Variants in ANKRD12 observed in about 807,000 individuals in gnomAD.
ANKRD12 encodes ankyrin repeat domain 12, also known as ankyrin repeat domain-containing protein 12.
In ANKRD12, 85 loss-of-function variants were observed where a neutral mutation model predicts 183.4. That is an observed-to-expected ratio of 0.46 (90% CI 0.39 to 0.56). The LOEUF (loss-of-function observed/expected upper bound fraction) is 0.56, where lower values mean the gene tolerates loss of function less well. Among genes scored for constraint, ANKRD12 ranks in the 20% least tolerant of loss-of-function variants. ANKRD12 has a pLI of 0.00. For missense variants in ANKRD12, 2,405 were observed against 2,357.1 expected (o/e 1.02, Z -0.42); for synonymous variants, 914 against 800.2 (o/e 1.14, Z -2.40).
intron 7 of ANKRD12, among the ~76,000 whole-genome samples, chr18:9,220,050 T>C (rs1225177232): frequency 6.6e-6 from 1 of 152,238 alleles, no homozygotes; most frequent in African/African-American, 2.4e-5. Context: ...GTATCATGAG[T>C]AAGTTGTTTT....
At chr18:9,156,996 T>C (rs1353248315) in intron 1 of ANKRD12, among the ~76,000 whole-genome samples, 2 of 152,212 alleles carry the variant, frequency 1.3e-5, no homozygotes, top group African/African-American at 4.8e-5. Flanking sequence ...ATGAGTTTTC[T>C]TGTTAAATGG....
At position 9,141,205 on chromosome 18, in the gene ANKRD12, T is replaced by C. The variant is rs1418781127; in HGVS notation, c.-52+4240T>C. Among the ~76,000 whole-genome samples the C allele has an allele frequency of 6.8e-5, 6 of 87,730 alleles. 1 individual carries two copies. The highest frequency in any genetic ancestry group is 0.011 in the Middle Eastern group (2 of 180). The allele number at this position is 87,730 out of a possible 152,430, so 57.6% of individuals were successfully genotyped here. On this transcript the variant is annotated intron_variant, in intron 1 of 12. Transcript: ENST00000262126. ...CAACCCTTTTTATGAGATGCTGATA[T>C]ACTTGTTGCTGTGGTGGTGGTGGTG...
intron 1 of ANKRD12, among the ~76,000 whole-genome samples, chr18:9,142,531 C>T (rs1341744891): frequency 6.6e-6 from 1 of 152,198 alleles, no homozygotes; most frequent in Non-Finnish European, 1.5e-5. Flanking sequence ...TCTGTTTACC[C>T]GTTCTGAAAC....
At chr18:9,274,601 A>G (rs1229296862) in intron 10 of ANKRD12, among the ~76,000 whole-genome samples, 1 of 152,134 alleles carries the variant, frequency 6.6e-6, no homozygotes, top group East Asian at 1.9e-4. Flanking sequence ...TTCTTTTTGG[A>G]GTGATGGAAA....
chr18:9,150,809 A>G (rs1474324718), intron 1 of ANKRD12, among the ~76,000 whole-genome samples: 1 of 152,040 alleles, frequency 6.6e-6, no homozygotes, highest in Non-Finnish European at 1.5e-5. Context: ...ACCTGCCACC[A>G]CACCTGGCTA....
In ANKRD12 at chr18:9,258,269, G is replaced by C; in HGVS notation, c.5002G>C (p.Asp1668His). The C allele has an allele frequency of 2.5e-6, 4 of 1,613,690 alleles. No individual in the cohort carries two copies. The highest frequency in any genetic ancestry group is 3.4e-6 in the Non-Finnish European group (4 of 1,179,924). The stretch of plus-strand genomic sequence containing the variant: ...GCCAAAAGGAAACCTAAATGAACAA[G>C]ATCCAAAACATTGTCCTGAAAGTGA... ...GMPKGNLNEQ[D>H]PKHCPESEKC... Residue 1668 changes from aspartate (D) to histidine (H), a missense_variant, in exon 9 of 13, where the codon GAT (aspartate) becomes CAT (histidine). Transcript: ENST00000262126.
intron 8 of ANKRD12, among the ~76,000 whole-genome samples, chr18:9,231,261 G>C (rs2037028572): frequency 6.6e-6 from 1 of 152,046 alleles, no homozygotes; most frequent in Non-Finnish European, 1.5e-5. Flanking sequence ...GTGTCTGTTA[G>C]GTCCTTTGGT....
intron 10 of ANKRD12, among the ~76,000 whole-genome samples, chr18:9,273,011 C>T (rs767651299): frequency 1.3e-5 from 2 of 152,052 alleles, no homozygotes; most frequent in Non-Finnish European, 2.9e-5. Context: ...TCTTTGTATT[C>T]TCACAGCCCA....
chr18:9,227,925 T>C (rs1721295753), intron 8 of ANKRD12, among the ~76,000 whole-genome samples: 1 of 152,188 alleles, frequency 6.6e-6, no homozygotes, highest in Admixed American at 6.5e-5. Flanking sequence ...TATGTTTGTA[T>C]CCACATCCAT....
chr18:9,217,800 C>T (rs926717010), intron 7 of ANKRD12, among the ~76,000 whole-genome samples: 2 of 152,156 alleles, frequency 1.3e-5, no homozygotes, highest in Non-Finnish European at 2.9e-5. Context: ...TACTACCATG[C>T]ATACTGGCAT....
chr18:9,262,720 A>G lies in ANKRD12; in HGVS notation c.5665-1070A>G, dbSNP rs147984877. ...CAAGCAATCCTCCTAGTCTCAAGCA[A>G]TCCTACTTCAGCCTCCCAAAGTGAT... is the stretch of plus-strand genomic sequence containing the variant. On this transcript the variant is annotated intron_variant, in intron 9 of 12. Transcript: ENST00000262126. Among the ~76,000 whole-genome samples the G allele has an allele frequency of 3.4e-3, 502 of 148,800 alleles. 3 individuals carry two copies. The highest frequency in any genetic ancestry group is 0.012 in the African/African-American group (479 of 40,414).
chr18:9,137,409 C>T (rs2078147066), intron 1 of ANKRD12, among the ~76,000 whole-genome samples: 1 of 146,274 alleles, frequency 6.8e-6, no homozygotes, highest in South Asian at 2.1e-4. Flanking sequence ...ATGGCGGGGC[C>T]GGAGGAGCGT....
chr18:9,188,071 T>A (rs2034218107), intron 2 of ANKRD12, among the ~76,000 whole-genome samples: 1 of 152,246 alleles, frequency 6.6e-6, no homozygotes, highest in East Asian at 1.9e-4. Context: ...ACTTGTAAGC[T>A]AATTAGCTTC....
In ANKRD12 at chr18:9,257,889, C is replaced by T; in HGVS notation, c.4622C>T (p.Ser1541Phe). 1 of 1,613,660 alleles carries T rather than the reference C, an allele frequency of 6.2e-7. No homozygotes were observed. Among genetic ancestry groups the T allele is most frequent in the Admixed American group, 1.7e-5 (1 of 59,892 alleles). Residue 1541 changes from serine to phenylalanine, a missense_variant, in exon 9 of 13, where the codon TCT becomes TTT. Around this residue, in one of 7 missense-constraint regions of ANKRD12, gnomAD observed 1,983 missense variants for 1,725.9 expected, o/e 1.15. Coordinates refer to ENST00000262126, the MANE Select transcript of ANKRD12 (RefSeq NM_015208.5). ...ISSALDTDNE[S>F]TKDTENTFVL... Reference sequence around the variant, plus strand: ...TCTGCTTTAGATACTGATAATGAATCTACAAAAGATACAGAAAATACTTTT... The same window carrying T: ...TCTGCTTTAGATACTGATAATGAATTTACAAAAGATACAGAAAATACTTTT...
Position 9,258,432 on chromosome 18 carries a change from C to T in ANKRD12, c.5165C>T (p.Ala1722Val). 1 of 1,613,614 alleles carries T rather than the reference C, an allele frequency of 6.2e-7. No individual in the cohort carries two copies. Among genetic ancestry groups the T allele is most frequent in the Non-Finnish European group, 8.5e-7 (1 of 1,179,916 alleles). Residue 1722 changes from alanine to valine, a missense_variant, in exon 9 of 13, where the codon GCC becomes GTC. This residue lies in a region of ANKRD12 where 1,983 missense variants were observed against 1,725.9 expected (regional missense o/e 1.15). Transcript: ENST00000262126. Reference sequence around the variant, plus strand: ...GTTAAAGTAGAATTAGAAGAAAATGCCGAAGATGATAAAACTGAAAACCAA... The same window carrying T: ...GTTAAAGTAGAATTAGAAGAAAATGTCGAAGATGATAAAACTGAAAACCAA... Reference protein sequence around the residue: ...QLVKVELEENAEDDKTENQIP... With the variant: ...QLVKVELEENVEDDKTENQIP...
At chr18:9,239,788 C>T (rs1176658437) in intron 8 of ANKRD12, among the ~76,000 whole-genome samples, 1 of 152,146 alleles carries the variant, frequency 6.6e-6, no homozygotes, top group Non-Finnish European at 1.5e-5. Flanking sequence ...GACAGATACA[C>T]TTTAAGTGTT....
Position 9,282,331 on chromosome 18 carries a change from A to C in ANKRD12, c.*1205A>C, listed in dbSNP as rs992817029. ...AAGAAATATAGGAATATTCCAGTCA[A>C]TCTCTGAAATGTTTATGAAAAACAG... On this transcript the variant is annotated 3_prime_UTR_variant, in exon 13 of 13. Transcript: ENST00000262126. The C allele has an allele frequency of 6.5e-6, 1 of 152,676 alleles. No individual in the cohort carries two copies. The highest frequency in any genetic ancestry group is 2.1e-4 in the South Asian group (1 of 4,830). The allele number at this position is 152,676 out of a possible 1,614,324, so 9.5% of individuals were successfully genotyped here.
intron 8 of ANKRD12, among the ~76,000 whole-genome samples, chr18:9,228,688 T>TG (rs1374060229): frequency 8.5e-5 from 13 of 152,184 alleles, no homozygotes; most frequent in Admixed American, 7.9e-4. Flanking sequence ...TTGAGGTACT[T>TG]GAATTTCTTG....
rs891449557 is a variant in ANKRD12, at chr18:9,263,835, C to T, written c.5710C>T (p.Arg1904Ter). The T allele has an allele frequency of 1.3e-6, 2 of 1,561,750 alleles. No individual in the cohort carries two copies. The highest frequency in any genetic ancestry group is 1.4e-5 in the African/African-American group (1 of 73,366). The part of the protein sequence containing the change: ...SLSDPLKELF[R>*]QQEVVRMKLR... ...GTCAGATCCACTTAAAGAGCTTTTT[C>T]GACAACAGGAAGTTGTAAGGATGAA... Residue 1904 changes from arginine to a stop codon, truncating the protein, a stop_gained, in exon 10 of 13, where the codon CGA (arginine) becomes TGA (stop). Coordinates refer to ENST00000262126, the MANE Select transcript of ANKRD12 (RefSeq NM_015208.5). LOFTEE classifies it high-confidence loss of function.
Sources: allele counts gnomAD v4.1 joint callset (sites outside exome capture counted in the v4.1 genomes callset), GRCh38; gene constraint gnomAD v4.1.1; regional missense constraint gnomAD v4.1.1; transcripts MANE v1.5; gene names NCBI Gene and HGNC (gene_info 2026-07-23, HGNC 2026-07-21).